ARNT2: variants seen among roughly 807,000 people sequenced by gnomAD.
The protein encoded by ARNT2 is aryl hydrocarbon receptor nuclear translocator 2.
ARNT2 carries 36 observed loss-of-function variants against 91.7 expected under a neutral mutation model. The observed-to-expected ratio is 0.39, with a 90% confidence interval of 0.30 to 0.52. The LOEUF (loss-of-function observed/expected upper bound fraction) is 0.52. ARNT2 is among the 20% of genes least tolerant of loss of function. ARNT2 has a pLI of 0.72. For missense variants in ARNT2, 775 were observed against 939.3 expected (o/e 0.83, Z 2.29); for synonymous variants, 365 against 347.1 (o/e 1.05, Z -0.57).
At chr15:80,586,145 C>T (rs544242735) in intron 17 of ARNT2, among the ~76,000 whole-genome samples, 1 of 152,136 alleles carries the variant, frequency 6.6e-6, no homozygotes, top group Non-Finnish European at 1.5e-5. Flanking sequence ...ATGCAGGGAG[C>T]CAAGTGCACA....
Position 80,514,299 on chromosome 15 carries a change from T to C in ARNT2, c.792-21T>C, listed in dbSNP as rs1172294197. On this transcript the variant is annotated intron_variant, in intron 7 of 18. Coordinates refer to ENST00000303329, the MANE Select transcript of ARNT2 (RefSeq NM_014862.4). Reference sequence around the variant, plus strand: ...CTCACCCTCATGTGATGAAAACAATTTCACAAATGTTCTTTTTTAGGAATG... The same window carrying C: ...CTCACCCTCATGTGATGAAAACAATCTCACAAATGTTCTTTTTTAGGAATG... 3.1e-6 allele frequency: 5 copies of C among 1,613,176 alleles called. No homozygotes were observed. The African/African-American group carries it at 5.3e-5, about 17-fold the overall frequency.
intron 12 of ARNT2, among the ~76,000 whole-genome samples, chr15:80,565,635 G>T (rs780704176): frequency 3.3e-5 from 5 of 151,652 alleles, no homozygotes; most frequent in Non-Finnish European, 7.4e-5. Context: ...GGTTAGCGAT[G>T]ATGAGCATTT....
intron 1 of ARNT2, among the ~76,000 whole-genome samples, chr15:80,417,576 C>T (rs1312238255): frequency 6.6e-6 from 1 of 151,538 alleles, no homozygotes; most frequent in African/African-American, 2.4e-5. Flanking sequence ...CTTCTCCCCT[C>T]CCTTCCTCCC....
intron 5 of ARNT2, among the ~76,000 whole-genome samples, chr15:80,485,906 C>G (rs1044529576): frequency 6.6e-6 from 1 of 152,160 alleles, no homozygotes; most frequent in African/African-American, 2.4e-5. Flanking sequence ...AGTATAGTTT[C>G]CTCTGGCTGC....
intron 1 of ARNT2, among the ~76,000 whole-genome samples, chr15:80,433,115 A>G (rs1236845603): frequency 3.3e-5 from 5 of 151,952 alleles, no homozygotes; most frequent in African/African-American, 1.2e-4. Context: ...GTTTCATAAA[A>G]CCTCTTAAAG....
At chr15:80,571,140 T>G (rs1286274400) in intron 12 of ARNT2, among the ~76,000 whole-genome samples, 2 of 152,204 alleles carry the variant, frequency 1.3e-5, no homozygotes, top group Non-Finnish European at 2.9e-5. Flanking sequence ...GGAGGTACAT[T>G]TCAGCTCCTT....
intron 17 of ARNT2, among the ~76,000 whole-genome samples, chr15:80,586,182 G>C (rs190232874): frequency 6.6e-5 from 10 of 152,240 alleles, no homozygotes; most frequent in Admixed American, 5.9e-4. Context: ...ATGGCTCAAA[G>C]GTGCTGTAGC....
chr15:80,480,644 T>C (rs1896871668), intron 5 of ARNT2, among the ~76,000 whole-genome samples: 2 of 152,186 alleles, frequency 1.3e-5, no homozygotes, highest in South Asian at 4.1e-4. Context: ...ATTCAGAGAA[T>C]TGGGTCAGCA....
chr15:80,592,434 C>A (rs1333891844), intron 18 of ARNT2, among the ~76,000 whole-genome samples: 1 of 152,232 alleles, frequency 6.6e-6, no homozygotes, highest in Non-Finnish European at 1.5e-5. Context: ...CTAACAGGAA[C>A]CCAGGCACGT....
intron 8 of ARNT2, among the ~76,000 whole-genome samples, chr15:80,521,333 A>G (rs1009477588): frequency 6.6e-6 from 1 of 152,202 alleles, no homozygotes; most frequent in African/African-American, 2.4e-5. Flanking sequence ...TTAAAGCATA[A>G]AAAATTAAAA....
chr15:80,471,601 C>A (rs777164819), intron 4 of ARNT2, among the ~76,000 whole-genome samples: 18 of 152,162 alleles, frequency 1.2e-4, no homozygotes, highest in Non-Finnish European at 2.2e-4. Flanking sequence ...GAGCACTTAG[C>A]CGGCCGGCAT....
At chr15:80,419,160 G>T (rs545829811) in intron 1 of ARNT2, among the ~76,000 whole-genome samples, 1 of 152,296 alleles carries the variant, frequency 6.6e-6, no homozygotes, top group South Asian at 2.1e-4. Context: ...TCACCAGGAG[G>T]GCTTGTAAAA....
chr15:80,471,140 A>C (rs777934519), intron 4 of ARNT2, among the ~76,000 whole-genome samples: 1 of 152,266 alleles, frequency 6.6e-6, no homozygotes. Context: ...ATGTTCATCA[A>C]TGACAGATTG....
At chr15:80,457,191 A>T (rs1014374084) in intron 2 of ARNT2, among the ~76,000 whole-genome samples, 2 of 152,222 alleles carry the variant, frequency 1.3e-5, no homozygotes, top group African/African-American at 4.8e-5. Context: ...ACAAATATCT[A>T]TCAAGTCTTT....
intron 8 of ARNT2, among the ~76,000 whole-genome samples, chr15:80,550,667 G>A (rs764779653): frequency 6.6e-6 from 1 of 152,202 alleles, no homozygotes; most frequent in Non-Finnish European, 1.5e-5. Flanking sequence ...TCAGTGCTTA[G>A]CATAACCATC....
intron 1 of ARNT2, among the ~76,000 whole-genome samples, chr15:80,421,673 C>A (rs139528538): frequency 1.3e-5 from 2 of 152,284 alleles, no homozygotes; most frequent in African/African-American, 4.8e-5. Context: ...CAACTTATTT[C>A]TTCCAGCTTG....
intron 3 of ARNT2, among the ~76,000 whole-genome samples, chr15:80,462,096 C>T (rs1013394612): frequency 6.6e-6 from 1 of 152,138 alleles, no homozygotes; most frequent in African/African-American, 2.4e-5. Flanking sequence ...AGGCAGATGC[C>T]AGTCCTGCCC....
chr15:80,441,312 T>G (rs1168080345), intron 1 of ARNT2: 11 of 985,130 alleles, frequency 1.1e-5, no homozygotes, highest in Non-Finnish European at 1.3e-5. Context: ...TCTACACGGA[T>G]AACAGATTCT....
intron 3 of ARNT2, among the ~76,000 whole-genome samples, chr15:80,463,331 C>T (rs67654551): frequency 0.32 from 49,263 of 151,946 alleles, 8,130 homozygotes; most frequent in African/African-American, 0.37. Context: ...GCAGAGCAAA[C>T]GCCAAGAGGA....
Sources: gnomAD v4.1 joint callset for allele counts (sites outside exome capture counted in the v4.1 genomes callset) on GRCh38, gnomAD v4.1.1 for gene constraint, MANE v1.5 for transcripts, NCBI Gene and HGNC (gene_info 2026-07-23, HGNC 2026-07-21) for gene names.